Variants in ASTN2 observed in about 807,000 individuals in gnomAD.
ASTN2 encodes the protein astrotactin 2, also known as astrotactin-2.
A neutral mutation model predicts 139.8 loss-of-function variants in ASTN2; 54 were observed. The observed-to-expected ratio is 0.39, with a 90% CI of 0.31 to 0.48. The LOEUF is 0.48. Among genes scored for constraint, ASTN2 ranks in the 20% least tolerant of loss-of-function variants. The pLI, the probability that ASTN2 is intolerant of heterozygous loss-of-function variation, is 0.95. For missense variants in ASTN2, 1,565 were observed against 1,725.1 expected (o/e 0.91, Z 1.64); for synonymous variants, 756 against 719.5 (o/e 1.05, Z -0.81).
intron 17 of ASTN2, among the ~76,000 whole-genome samples, chr9:116,632,150 G>GAC (rs1856782031): frequency 1.3e-5 from 1 of 75,554 alleles, no homozygotes; most frequent in African/African-American, 5.2e-5. Context: ...GAGAGAGAGA[G>GAC]AGAGAGACAG....
At chr9:116,886,984 G>A (rs969019134) in intron 10 of ASTN2, among the ~76,000 whole-genome samples, 4 of 152,118 alleles carry the variant, frequency 2.6e-5, no homozygotes, top group Non-Finnish European at 5.9e-5. Context: ...TCATCATGGT[G>A]TAGGCTCATG....
intron 13 of ASTN2, among the ~76,000 whole-genome samples, chr9:116,766,853 C>A (rs1829824212): frequency 6.6e-6 from 1 of 151,200 alleles, no homozygotes; most frequent in South Asian, 2.1e-4. Flanking sequence ...AAACACATAT[C>A]TTCATACTCA....
chr9:116,586,580 A>T (rs1362892036), intron 19 of ASTN2, among the ~76,000 whole-genome samples: 1 of 152,040 alleles, frequency 6.6e-6, no homozygotes, highest in African/African-American at 2.4e-5. Flanking sequence ...TATAAGTGGG[A>T]GCTTAACATT....
intron 4 of ASTN2, among the ~76,000 whole-genome samples, chr9:117,138,004 G>T (rs1328094968): frequency 5.3e-5 from 8 of 152,168 alleles, no homozygotes; most frequent in African/African-American, 1.9e-4. Context: ...GATTCCTCTT[G>T]CACCATCAAT....
At chr9:116,737,968 G>A (rs112958655) in intron 13 of ASTN2, among the ~76,000 whole-genome samples, 1,995 of 148,574 alleles carry the variant, frequency 0.013, 39 homozygotes, top group African/African-American at 0.046. Context: ...CGAGGCGGGC[G>A]GATCACGAGG....
At chr9:116,727,097 C>T (rs10817928) in intron 15 of ASTN2, among the ~76,000 whole-genome samples, 47,814 of 151,526 alleles carry the variant, frequency 0.32, 8,229 homozygotes, top group Admixed American at 0.39. Flanking sequence ...CACACCTATG[C>T]TTCAAGGCCC....
intron 11 of ASTN2, among the ~76,000 whole-genome samples, chr9:116,858,238 G>A (rs2148543): frequency 0.32 from 48,500 of 152,056 alleles, 7,988 homozygotes; most frequent in South Asian, 0.39. Context: ...ACAAGAGTGT[G>A]TGAAGCTACT....
intron 10 of ASTN2, among the ~76,000 whole-genome samples, chr9:116,963,609 G>A (rs1462373002): frequency 6.6e-6 from 1 of 152,200 alleles, no homozygotes; most frequent in South Asian, 2.1e-4. Context: ...GCCAGAAAGT[G>A]TCCACGACGA....
chr9:117,042,232 C>T (rs1420345266), intron 5 of ASTN2, among the ~76,000 whole-genome samples: 1 of 152,134 alleles, frequency 6.6e-6, no homozygotes, highest in Non-Finnish European at 1.5e-5. Flanking sequence ...AGAACAAGAA[C>T]CGTTACAACA....
At chr9:116,456,016 G>C (rs1179193394) in intron 20 of ASTN2, among the ~76,000 whole-genome samples, 2 of 151,998 alleles carry the variant, frequency 1.3e-5, no homozygotes, top group African/African-American at 4.8e-5. Context: ...AGCCTAGCTA[G>C]AGAAATCAGG....
At chr9:117,370,947 G>A (rs1829974823) in intron 1 of ASTN2, among the ~76,000 whole-genome samples, 1 of 152,130 alleles carries the variant, frequency 6.6e-6, no homozygotes. Context: ...CCAGTTGGAT[G>A]TCCCTACATT....
At chr9:116,499,236 T>C (rs1053096689) in intron 19 of ASTN2, among the ~76,000 whole-genome samples, 3 of 152,192 alleles carry the variant, frequency 2.0e-5, no homozygotes, top group Admixed American at 2.0e-4. Flanking sequence ...TTTAGAAGCC[T>C]TGTCCATGTT....
intron 3 of ASTN2, among the ~76,000 whole-genome samples, chr9:117,212,075 T>C (rs1392463556): frequency 1.3e-5 from 2 of 152,138 alleles, no homozygotes; most frequent in African/African-American, 4.8e-5. Flanking sequence ...GACACATACA[T>C]AGATGAATGT....
chr9:117,219,180 A>G (rs1832432030), intron 2 of ASTN2, among the ~76,000 whole-genome samples: 1 of 152,186 alleles, frequency 6.6e-6, no homozygotes, highest in Non-Finnish European at 1.5e-5. Context: ...GGAAGTGTAG[A>G]CTGTGTCCAC....
intron 7 of ASTN2, among the ~76,000 whole-genome samples, chr9:117,000,938 C>T (rs1329934609): frequency 2.0e-5 from 3 of 152,150 alleles, no homozygotes; most frequent in Non-Finnish European, 2.9e-5. Flanking sequence ...TCTCATGATG[C>T]CATGTGAGCT....
intron 1 of ASTN2, among the ~76,000 whole-genome samples, chr9:117,347,731 A>G (rs1564158688): frequency 6.6e-6 from 1 of 152,212 alleles, no homozygotes; most frequent in South Asian, 2.1e-4. Context: ...CAAAGAAAGC[A>G]GCGGATTCTC....
intron 16 of ASTN2, among the ~76,000 whole-genome samples, chr9:116,710,755 A>G (rs79163955): frequency 0.03 from 4,360 of 147,502 alleles, 163 homozygotes; most frequent in African/African-American, 0.11. Context: ...AAAAAAAAAA[A>G]AAGAAGAGAA....
chr9:116,605,083 C>G (rs892541528), intron 19 of ASTN2, among the ~76,000 whole-genome samples: 2 of 151,062 alleles, frequency 1.3e-5, no homozygotes, highest in Non-Finnish European at 2.9e-5. Flanking sequence ...GAAGCCGACA[C>G]ACATAAAGGT....
intron 6 of ASTN2, among the ~76,000 whole-genome samples, chr9:117,029,981 T>G (rs1838201505): frequency 6.6e-6 from 1 of 152,002 alleles, no homozygotes; most frequent in Admixed American, 6.6e-5. Context: ...AGCCCACTAA[T>G]ACTCTTTGAA....
Sources: gnomAD v4.1 joint callset for allele counts (sites outside exome capture counted in the v4.1 genomes callset) on GRCh38, gnomAD v4.1.1 for gene constraint, MANE v1.5 for transcripts, NCBI Gene and HGNC (gene_info 2026-07-23, HGNC 2026-07-21) for gene names.